The following KBTBD2 variants were observed in gnomAD, a reference collection of about 807,000 sequenced individuals.
KBTBD2 encodes the protein kelch repeat and BTB domain-containing protein 2.
In KBTBD2, 17 loss-of-function variants were observed where a neutral mutation model predicts 57.1. The observed-to-expected ratio is 0.30, with a 90% CI of 0.20 to 0.45. KBTBD2 has a LOEUF of 0.45. Among genes scored for constraint, KBTBD2 ranks in the 20% least tolerant of loss-of-function variants. The pLI, the probability that KBTBD2 is intolerant of heterozygous loss-of-function variation, is 1.00. For synonymous variants in KBTBD2, 267 were observed against 262.7 expected (o/e 1.02, Z -0.16); for missense variants, 515 against 750.6 (o/e 0.69, Z 3.67).
At chr7:32,888,443 A>C (rs975724377) in intron 1 of KBTBD2, among the ~76,000 whole-genome samples, 2 of 152,186 alleles carry the variant, frequency 1.3e-5, no homozygotes, top group South Asian at 2.1e-4. Context: ...TTATCAAAAC[A>C]ACCACGACAG....
intron 3 of KBTBD2, among the ~76,000 whole-genome samples, chr7:32,874,335 C>T (rs1264953894): frequency 1.3e-5 from 2 of 151,776 alleles, no homozygotes; most frequent in African/African-American, 2.4e-5. Context: ...AGAGGCGGAG[C>T]TTGCATCTGA....
chr7:32,890,325 A>C (rs1784698916), intron 1 of KBTBD2, among the ~76,000 whole-genome samples: 1 of 152,218 alleles, frequency 6.6e-6, no homozygotes, highest in Non-Finnish European at 1.5e-5. Context: ...GAATAGCAAA[A>C]TTCCACATCA....
At chr7:32,880,685 T>C (rs1784424543) in intron 1 of KBTBD2, among the ~76,000 whole-genome samples, 1 of 152,236 alleles carries the variant, frequency 6.6e-6, no homozygotes, top group Admixed American at 6.5e-5. Context: ...TCAAGGGATT[T>C]ATCTGGAAGA....
intron 1 of KBTBD2, among the ~76,000 whole-genome samples, chr7:32,884,644 C>T (rs963235076): frequency 1.5e-4 from 23 of 151,786 alleles, no homozygotes; most frequent in African/African-American, 4.1e-4. Flanking sequence ...GAGCCGAGAT[C>T]GCACCACTGC....
rs1784157256 is a variant in KBTBD2 at position 32,870,823 on chromosome 7, T to C, written c.394A>G (p.Asn132Asp). 6.2e-7 allele frequency: 1 copy of C among 1,602,568 alleles called. No homozygotes were observed. The change falls in exon 4 of 4, where the codon AAT (asparagine) becomes GAT (aspartate). Residue 132 changes from asparagine to aspartate, a missense_variant. Physicochemically the swap from Asn to Asp is conservative, Grantham distance 23 (BLOSUM62 1). Coordinates refer to ENST00000304056, the MANE Select transcript of KBTBD2 (RefSeq NM_015483.3). Reference sequence around the variant, plus strand: ...GCAAAACTCAACAATCGTACACAATTCTCTGCATTTATTTTTTTAATTAAA... The same window carrying C: ...GCAAAACTCAACAATCGTACACAATCCTCTGCATTTATTTTTTTAATTAAA... ...EYLIKKINAE[N>D]CVRLLSFADL...
intron 1 of KBTBD2, among the ~76,000 whole-genome samples, chr7:32,889,013 A>C (rs1784658369): frequency 1.3e-5 from 2 of 152,146 alleles, no homozygotes; most frequent in African/African-American, 4.8e-5. Context: ...CAGTGACTTA[A>C]GAAAGCTGGG....
intron 2 of KBTBD2, among the ~76,000 whole-genome samples, chr7:32,876,194 A>T (rs2127951521): frequency 6.6e-6 from 1 of 152,318 alleles, no homozygotes; most frequent in South Asian, 2.1e-4. Flanking sequence ...AAGAGAGGAA[A>T]ATAGGAGAGA....
At chr7:32,883,764 T>C (rs1784500058) in intron 1 of KBTBD2, among the ~76,000 whole-genome samples, 1 of 152,244 alleles carries the variant, frequency 6.6e-6, no homozygotes, top group African/African-American at 2.4e-5. Context: ...GTTTATTGAA[T>C]ACTAAGTGCC....
chr7:32,884,875 A>G lies in KBTBD2; in HGVS notation c.-338-4933T>C, dbSNP rs192247819. Among the ~76,000 whole-genome samples, 466 of 151,622 alleles carry G rather than the reference A, an allele frequency of 3.1e-3. 1 individual carries two copies. The highest frequency in any genetic ancestry group is 5.3e-3 in the Non-Finnish European group (360 of 67,926). The stretch of plus-strand genomic sequence containing the variant: ...TATGGAAACAAATGTTATTTCAATA[A>G]AACTTTGTTTACAAGAACAGGTTAC... On this transcript the variant is annotated intron_variant, in intron 1 of 3. Coordinates refer to ENST00000304056, the MANE Select transcript of KBTBD2 (RefSeq NM_015483.3).
At chr7:32,871,257 G>A (rs1269044018) in intron 3 of KBTBD2, among the ~76,000 whole-genome samples, 1 of 152,102 alleles carries the variant, frequency 6.6e-6, no homozygotes, top group Non-Finnish European at 1.5e-5. Context: ...ATAGTATAGA[G>A]AAAATTATTG....
At chr7:32,880,505 G>A (rs1024121241) in intron 1 of KBTBD2, among the ~76,000 whole-genome samples, 1 of 151,194 alleles carries the variant, frequency 6.6e-6, no homozygotes, top group Non-Finnish European at 1.5e-5. Context: ...TCTTTGTGGA[G>A]TGGTTCTTTC....
At chr7:32,875,888 G>C (rs1309848323) in intron 2 of KBTBD2, among the ~76,000 whole-genome samples, 2 of 152,152 alleles carry the variant, frequency 1.3e-5, no homozygotes, top group African/African-American at 2.4e-5. Context: ...AGAACTGTAA[G>C]AATGGGGTCT....
chr7:32,875,245 G>T, intron 2 of KBTBD2, 88 bp from the exon 3 acceptor site: 1 of 1,159,214 alleles, frequency 8.6e-7, no homozygotes, highest in Non-Finnish European at 1.3e-6. Context: ...AATAAGAGGT[G>T]TTTATTTAGG....
At chr7:32,876,160 T>G (rs1162637919) in intron 2 of KBTBD2, among the ~76,000 whole-genome samples, 1 of 152,142 alleles carries the variant, frequency 6.6e-6, no homozygotes, top group East Asian at 1.9e-4. Flanking sequence ...TGGAGAATAC[T>G]AAGTAGAATG....
At chr7:32,878,466 G>T (rs757276229) in intron 2 of KBTBD2, among the ~76,000 whole-genome samples, 1 of 151,934 alleles carries the variant, frequency 6.6e-6, no homozygotes, top group Non-Finnish European at 1.5e-5. Flanking sequence ...TGTAATCCCA[G>T]CTACTTGGGA....
intron 2 of KBTBD2, 94 bp downstream of exon 2, chr7:32,879,341 A>C: frequency 1.2e-6 from 1 of 864,046 alleles, no homozygotes; most frequent in Non-Finnish European, 1.8e-6. Flanking sequence ...TAGAAACCTT[A>C]AGCAAAACTT....
rs1009093431 is a variant in KBTBD2 at position 32,879,492 on chromosome 7, T to C, written c.113A>G (p.Glu38Gly). 3 of 1,613,412 alleles carry C rather than the reference T, an allele frequency of 1.9e-6. No homozygotes were observed. The highest frequency in any genetic ancestry group is 2.5e-6 in the Non-Finnish European group (3 of 1,179,490). The change falls in exon 2 of 4, where the codon GAG becomes GGG. Residue 38 changes from glutamate to glycine, a missense_variant. Glu to Gly is a moderately conservative substitution (Grantham distance 98). Coordinates refer to ENST00000304056, the MANE Select transcript of KBTBD2 (RefSeq NM_015483.3). The part of the protein sequence containing the change: ...QLFTDIVLIV[E>G]GTEFPCHKMV... ...CTTATGACAAGGGAATTCAGTGCCC[T>C]CAACAATTAACACTATGTCAGTAAA...
rs750414028 is a variant in KBTBD2 at position 32,879,629 on chromosome 7, G to C, written c.-25C>G. On this transcript the variant is annotated 5_prime_UTR_variant, in exon 2 of 4. Transcript: ENST00000304056. The stretch of plus-strand genomic sequence containing the variant: ...TGACTGTATTCCATTAATATCTCCA[G>C]GAACAGATTAGAAAAGTCCGTCTTA... 6.2e-7 allele frequency: 1 copy of C among 1,600,334 alleles called. No individual in the cohort carries two copies. Among genetic ancestry groups the C allele is most frequent in the Admixed American group, 1.7e-5 (1 of 59,012 alleles).
In KBTBD2 at chr7:32,869,096, T is replaced by G. The variant is rs1041471326; in HGVS notation, c.*249A>C. 1 of 391,122 alleles carries G rather than the reference T, an allele frequency of 2.6e-6. No individual in the cohort carries two copies. The highest frequency in any genetic ancestry group is 4.3e-5 in the Admixed American group (1 of 23,364). The allele number at this position is 391,122 out of a possible 1,614,324, so 24.2% of individuals were successfully genotyped here. On this transcript the variant is annotated 3_prime_UTR_variant, in exon 4 of 4. Coordinates refer to ENST00000304056, the MANE Select transcript of KBTBD2 (RefSeq NM_015483.3). Reference sequence around the variant, plus strand: ...AACAATGTTAGATAATCCAGATTCTTATACTCTCATGATTACACATAAAGT... The same window carrying G: ...AACAATGTTAGATAATCCAGATTCTGATACTCTCATGATTACACATAAAGT...
Sources: gnomAD v4.1 joint callset for allele counts (sites outside exome capture counted in the v4.1 genomes callset) on GRCh38, gnomAD v4.1.1 for gene constraint, MANE v1.5 for transcripts, NCBI Gene and HGNC (gene_info 2026-07-23, HGNC 2026-07-21) for gene names.